Variants in MIER2 observed in about 807,000 individuals in gnomAD.
MIER2 encodes MIER family member 2, also known as mesoderm induction early response protein 2.
In MIER2, 30 loss-of-function variants were observed where a neutral mutation model predicts 67.6. The observed-to-expected ratio is 0.44, with a 90% confidence interval of 0.33 to 0.60. MIER2 has a LOEUF of 0.60. Ranked by LOEUF, MIER2 falls within the 20% of genes least tolerant of loss-of-function variation. MIER2 has a pLI of 0.02. For synonymous variants in MIER2, 372 were observed against 312.6 expected (o/e 1.19, Z -2.00); for missense variants, 702 against 745.1 (o/e 0.94, Z 0.67).
At chr19:312,008 GC>G in intron 9 of MIER2, 69 bp from the exon 10 acceptor site, 1 of 1,273,786 alleles carries the variant, frequency 7.9e-7, no homozygotes, top group South Asian at 1.7e-5. Context: ...GAAGGCCCAG[GC>G]CGGGGAGAAC....
At chr19:335,997 G>T in intron 2 of MIER2, 86 bp downstream of exon 2, 3 of 1,343,112 alleles carry the variant, frequency 2.2e-6, no homozygotes, top group Non-Finnish European at 3.2e-6. Flanking sequence ...CCGGTCCACA[G>T]CTCAGCCAGG....
At chr19:326,295 T>C (rs952295157) in intron 6 of MIER2, among the ~76,000 whole-genome samples, 5 of 150,824 alleles carry the variant, frequency 3.3e-5, no homozygotes, top group Non-Finnish European at 7.4e-5. Flanking sequence ...ACAGTCCGGA[T>C]GCCAGGTTGG....
At position 307,356 on chromosome 19, in the gene MIER2, G is replaced by C. The variant is rs767705744; in HGVS notation, c.1379C>G (p.Thr460Ser). The C allele has an allele frequency of 3.1e-6, 5 of 1,606,026 alleles. No individual in the cohort carries two copies. Among genetic ancestry groups the C allele is most frequent in the South Asian group, 2.2e-5 (2 of 89,382 alleles). The change falls in exon 13 of 14, where the codon ACT becomes AGT. Residue 460 changes from threonine to serine, a missense_variant. Coordinates refer to ENST00000264819, the MANE Select transcript of MIER2 (RefSeq NM_017550.3). ...ADPASYQPAV[T>S]APEPDASPRL... ...TGGGCTGGCGTCTGGCTCCGGAGCA[G>C]TGACAGCTGGCTGGTATGAGGCTGG... is the stretch of plus-strand genomic sequence containing the variant.
At chr19:313,420 C>T in intron 8 of MIER2, 72 bp downstream of exon 8, 3 of 1,566,504 alleles carry the variant, frequency 1.9e-6, no homozygotes, top group Non-Finnish European at 2.6e-6. Context: ...CCCCTGGAGG[C>T]ACTGGGGTGT....
intron 10 of MIER2, among the ~76,000 whole-genome samples, 162 bp from the exon 11 acceptor site, chr19:309,087 C>T (rs1476257304): frequency 6.6e-6 from 1 of 152,072 alleles, no homozygotes; most frequent in Non-Finnish European, 1.5e-5. Flanking sequence ...CCCTAACAGG[C>T]CACAGGCTAT....
chr19:343,966 G>C (rs907727099), intron 1 of MIER2: 2 of 985,272 alleles, frequency 2.0e-6, no homozygotes, highest in Admixed American at 1.2e-4. Flanking sequence ...ATCCTAGACA[G>C]TCCTAGGTGG....
At chr19:313,714 A>G in intron 7 of MIER2, 71 bp from the exon 8 acceptor site, 2 of 1,555,982 alleles carry the variant, frequency 1.3e-6, no homozygotes, top group Non-Finnish European at 1.7e-6. Context: ...GGACAAGCAA[A>G]GCAGCCAACT....
Position 327,215 on chromosome 19 carries a change from T to C in MIER2, c.411A>G (p.Glu137=). The C allele has an allele frequency of 7.6e-6, 12 of 1,587,986 alleles. No individual in the cohort carries two copies. Among genetic ancestry groups the C allele is most frequent in the Non-Finnish European group, 1.0e-5 (12 of 1,172,236 alleles). The part of the protein sequence containing the change: ...AKDLLSGEEE[E]ETQSSADDLT... ...GGTCGTCAGCAGATGATTGCGTCTC[T>C]TCCTCTTCTTCCCCTGAAAGCAAAT... is the stretch of plus-strand genomic sequence containing the variant. The change falls in exon 5 of 14, where the codon GAA becomes GAG. Residue 137 remains glutamate, a synonymous_variant. Transcript: ENST00000264819.
At chr19:321,196 C>T (rs779597423) in intron 7 of MIER2, among the ~76,000 whole-genome samples, 3 of 152,180 alleles carry the variant, frequency 2.0e-5, no homozygotes, top group East Asian at 1.9e-4. Context: ...TTTTGATTTG[C>T]GGTTTCAAAT....
intron 10 of MIER2, among the ~76,000 whole-genome samples, chr19:310,717 A>T (rs1025812391): frequency 3.3e-5 from 5 of 151,626 alleles, no homozygotes; most frequent in Non-Finnish European, 5.9e-5. Flanking sequence ...GAGCTATAGG[A>T]ACATGGCCCG....
rs1037563489 is a variant in MIER2, at chr19:335,817, G to A, written c.100+266C>T. Among the ~76,000 whole-genome samples, 15 of 152,282 alleles carry A rather than the reference G, an allele frequency of 9.9e-5. No homozygotes were observed. In the East Asian group the frequency reaches 1.7e-3, roughly 18 times the overall value. On this transcript the variant is annotated intron_variant, in intron 2 of 13. Coordinates refer to ENST00000264819, the MANE Select transcript of MIER2 (RefSeq NM_017550.3). Reference sequence around the variant, plus strand: ...AGGCAGCCCTCAGCTCGGTGCAGGCGTGTGCCCGGGTCCTCTGCTGGGGGT... The same window carrying A: ...AGGCAGCCCTCAGCTCGGTGCAGGCATGTGCCCGGGTCCTCTGCTGGGGGT...
At chr19:309,530 G>A (rs557299436) in intron 10 of MIER2, among the ~76,000 whole-genome samples, 9 of 152,128 alleles carry the variant, frequency 5.9e-5, no homozygotes, top group Admixed American at 1.3e-4. Flanking sequence ...AGCACATAAA[G>A]GGCCAAACAC....
intron 7 of MIER2, among the ~76,000 whole-genome samples, chr19:316,620 CA>C (rs1447658687): frequency 3.2e-4 from 49 of 152,266 alleles, no homozygotes; most frequent in Admixed American, 2.8e-3. Context: ...GCACAAAAGG[CA>C]GGGGGCAGGT....
chr19:324,304 A>ATTTTGATTACTCTTCCTCTGT (rs1971633425), intron 7 of MIER2, among the ~76,000 whole-genome samples: 1 of 138,226 alleles, frequency 7.2e-6, no homozygotes. Flanking sequence ...TACACAAGAC[A>ATTTTGATTACTCTTCCTCTGT]CACACAACCA....
intron 10 of MIER2, 83 bp downstream of exon 10, chr19:311,762 G>A (rs370119624): frequency 9.0e-6 from 12 of 1,334,554 alleles, no homozygotes; most frequent in African/African-American, 4.3e-5. Context: ...GCCTCCAGTC[G>A]GCCGTGTGCT....
At chr19:336,539 G>A (rs992107047) in intron 1 of MIER2, among the ~76,000 whole-genome samples, 3 of 152,190 alleles carry the variant, frequency 2.0e-5, no homozygotes, top group African/African-American at 4.8e-5. Context: ...CGGCCACAGC[G>A]TAGGGTCCAC....
intron 3 of MIER2, among the ~76,000 whole-genome samples, chr19:331,232 C>T (rs1316774684): frequency 1.3e-5 from 2 of 151,914 alleles, no homozygotes; most frequent in Non-Finnish European, 2.9e-5. Context: ...GTGGTGGGCA[C>T]CTGTAGTCCC....
intron 10 of MIER2, among the ~76,000 whole-genome samples, chr19:309,425 A>G (rs1000330566): frequency 1.3e-5 from 2 of 152,078 alleles, no homozygotes; most frequent in African/African-American, 4.8e-5. Flanking sequence ...CCCACCGAAC[A>G]CATCCCTCCA....
At chr19:309,785 GACACACAC>G (rs762262353) in intron 10 of MIER2, among the ~76,000 whole-genome samples, 1 of 106,192 alleles carries the variant, frequency 9.4e-6, no homozygotes, top group African/African-American at 4.2e-5. Context: ...GACGAGAAGG[GACACACAC>G]ACACACACAC....
Sources: gnomAD v4.1 joint callset for allele counts (sites outside exome capture counted in the v4.1 genomes callset) on GRCh38, gnomAD v4.1.1 for gene constraint, MANE v1.5 for transcripts, NCBI Gene and HGNC (gene_info 2026-07-23, HGNC 2026-07-21) for gene names.